Variants in PRKN observed in about 807,000 individuals in gnomAD.
PRKN encodes the protein parkin RBR E3 ubiquitin protein ligase, also known as E3 ubiquitin-protein ligase parkin.
In PRKN, 56 loss-of-function variants were observed where a neutral mutation model predicts 59.5. The observed-to-expected ratio is 0.94, with a 90% confidence interval of 0.76 to 1.18. The LOEUF is 1.18. Ranked by LOEUF, PRKN falls within the 50% of genes most tolerant of loss-of-function variation. The pLI is 0.00. For missense variants in PRKN, 657 were observed against 596.4 expected (o/e 1.10, Z -1.06); for synonymous variants, 250 against 222.1 (o/e 1.13, Z -1.12).
intron 4 of PRKN, among the ~76,000 whole-genome samples, chr6:162,179,965 T>TTTGTGTG (rs1783717667): frequency 7.8e-6 from 1 of 128,524 alleles, no homozygotes; most frequent in Non-Finnish European, 1.6e-5. Flanking sequence ...TGTTATCTTA[T>TTTGTGTG]TACTGTGTGT....
At chr6:161,685,058 G>C (rs890021455) in intron 7 of PRKN, among the ~76,000 whole-genome samples, 4 of 152,040 alleles carry the variant, frequency 2.6e-5, no homozygotes, top group Non-Finnish European at 5.9e-5. Flanking sequence ...TTTCCTATTA[G>C]AACATCGAAT....
chr6:161,444,238 T>A lies in PRKN; in HGVS notation c.1084-57361A>T, dbSNP rs1789385593. ...TGGCTGAGTGAGCTTCCTAAGGAAA[T>A]CCTCTTGCCTGGAAGAGGCTCCCAA... On this transcript the variant is annotated intron_variant, in intron 9 of 11. Transcript: ENST00000366898. This position sits in a 1 kb window ranked among gnomAD's most constrained non-coding sequence, Gnocchi z 5.6. Among the ~76,000 whole-genome samples, 1 of 152,130 alleles carries A rather than the reference T, an allele frequency of 6.6e-6. No individual in the cohort carries two copies.
At chr6:162,606,530 T>C (rs896883309) in intron 1 of PRKN, among the ~76,000 whole-genome samples, 4 of 152,270 alleles carry the variant, frequency 2.6e-5, no homozygotes, top group Admixed American at 6.5e-5. Flanking sequence ...AGTCAAACCA[T>C]TGTAAAAGCC....
At chr6:162,503,433 G>C (rs1793467818) in intron 1 of PRKN, among the ~76,000 whole-genome samples, 3 of 151,912 alleles carry the variant, frequency 2.0e-5, no homozygotes, top group African/African-American at 7.3e-5. Context: ...CAGAGTGCCG[G>C]GATTACAGGC....
intron 6 of PRKN, among the ~76,000 whole-genome samples, chr6:161,879,142 C>G (rs1438120604): frequency 1.3e-5 from 2 of 152,100 alleles, no homozygotes; most frequent in African/African-American, 4.8e-5. Context: ...AGTTAGGAAG[C>G]ACTGCTAATT....
rs1781380405 is a variant in PRKN at position 162,131,976 on chromosome 6, G to A, written c.534+69155C>T. On this transcript the variant is annotated intron_variant, in intron 4 of 11. Transcript: ENST00000366898. ...TGTGGACTTGCACACCAACACCGCC[G>A]ACGTGTGGTGATGGTTAACTGATCA... Among the ~76,000 whole-genome samples, 7 of 152,166 alleles carry A rather than the reference G, an allele frequency of 4.6e-5. 1 individual carries two copies. The highest frequency in any genetic ancestry group is 9.7e-5 in the African/African-American group (4 of 41,436).
chr6:162,356,534 C>CT (rs1562697322), intron 2 of PRKN, among the ~76,000 whole-genome samples: 2 of 137,500 alleles, frequency 1.5e-5, no homozygotes, highest in Non-Finnish European at 3.2e-5. Flanking sequence ...ATATATAATA[C>CT]ATTTTTTTTT....
chr6:162,443,168 A>G, intron 2 of PRKN, 142 bp downstream of exon 2: 2 of 773,780 alleles, frequency 2.6e-6, no homozygotes, highest in Non-Finnish European at 4.2e-6. Context: ...GAATTAATGA[A>G]GCAGTGTGGA....
chr6:162,354,039 A>G (rs933403137), intron 2 of PRKN, among the ~76,000 whole-genome samples: 8 of 152,160 alleles, frequency 5.3e-5, no homozygotes, highest in African/African-American at 1.9e-4. Context: ...AATATAACCA[A>G]ACTAGTTTCC....
At chr6:161,739,841 A>G (rs1788115396) in intron 7 of PRKN, among the ~76,000 whole-genome samples, 1 of 151,518 alleles carries the variant, frequency 6.6e-6, no homozygotes, top group Admixed American at 6.6e-5. Flanking sequence ...TCCAACCTCC[A>G]CCTCCCGGGT....
intron 4 of PRKN, among the ~76,000 whole-genome samples, chr6:162,063,467 G>A (rs192020159): frequency 3.6e-4 from 55 of 152,128 alleles, no homozygotes; most frequent in Non-Finnish European, 6.5e-4. Context: ...AAATGTCGGT[G>A]AGGATAAAGA....
rs1784003280 is a variant in PRKN at position 162,339,089 on chromosome 6, CG to C, written c.172-76325del. The stretch of plus-strand genomic sequence containing the variant: ...CCGTCTGAGAAGTGAGGAGCCCCTC[CG>C]ACCGGCAGCCGCCCCGTCTGAGAAG... On this transcript the variant is annotated intron_variant, in intron 2 of 11. Transcript: ENST00000366898. Among the ~76,000 whole-genome samples, 22 of 145,082 alleles carry C rather than the reference CG, an allele frequency of 1.5e-4. 1 individual carries two copies. The highest frequency in any genetic ancestry group is 2.1e-4 in the Non-Finnish European group (14 of 65,284).
chr6:161,833,907 C>A (rs1792627032), intron 6 of PRKN, among the ~76,000 whole-genome samples: 1 of 152,044 alleles, frequency 6.6e-6, no homozygotes, highest in African/African-American at 2.4e-5. Context: ...TGCAGTAAAC[C>A]TAGCAACTTA....
At chr6:162,283,943 A>G (rs1039149785) in intron 2 of PRKN, among the ~76,000 whole-genome samples, 3 of 152,214 alleles carry the variant, frequency 2.0e-5, no homozygotes, top group Non-Finnish European at 4.4e-5. Flanking sequence ...ATATTCTAAA[A>G]TTTTCAAATT....
At chr6:161,599,307 T>C (rs1782026545) in intron 7 of PRKN, among the ~76,000 whole-genome samples, 1 of 152,212 alleles carries the variant, frequency 6.6e-6, no homozygotes. Context: ...TAGTGCAATG[T>C]TGATTTCCAT....
At chr6:162,008,939 A>G (rs1007364860) in intron 5 of PRKN, among the ~76,000 whole-genome samples, 3 of 151,908 alleles carry the variant, frequency 2.0e-5, no homozygotes, top group African/African-American at 7.3e-5. Context: ...AGCAAAATAA[A>G]CTATGTAAAA....
chr6:161,611,750 G>T (rs1190957539), intron 7 of PRKN, among the ~76,000 whole-genome samples: 1 of 152,208 alleles, frequency 6.6e-6, no homozygotes, highest in Admixed American at 6.5e-5. Flanking sequence ...GTGAAAGGAA[G>T]AGTCACACAA....
chr6:162,540,581 G>T (rs923213440), intron 1 of PRKN, among the ~76,000 whole-genome samples: 16 of 151,950 alleles, frequency 1.1e-4, no homozygotes, highest in African/African-American at 3.9e-4. Context: ...GCTGAGGCAG[G>T]TGATCACCTG....
Position 161,998,995 on chromosome 6 carries a change from C to T in PRKN, c.619-25578G>A, listed in dbSNP as rs570053070. Among the ~76,000 whole-genome samples the T allele has an allele frequency of 3.9e-5, 6 of 152,148 alleles. No individual in the cohort carries two copies. The East Asian group carries it at 1.2e-3, about 29-fold the overall frequency. The stretch of plus-strand genomic sequence containing the variant: ...TCTTTTGAGAATGAAAAACATTCTA[C>T]TTTATTTTGTCCTCTTAACACACAA... On this transcript the variant is annotated intron_variant, in intron 5 of 11. Transcript: ENST00000366898.
Sources: allele counts gnomAD v4.1 joint callset (sites outside exome capture counted in the v4.1 genomes callset), GRCh38; gene constraint gnomAD v4.1.1; non-coding constraint Gnocchi (gnomAD v3.1); transcripts MANE v1.5; gene names NCBI Gene and HGNC (gene_info 2026-07-23, HGNC 2026-07-21).